MITF: variants seen among roughly 807,000 people sequenced by gnomAD.
MITF encodes melanocyte inducing transcription factor, also known as microphthalmia-associated transcription factor.
Under a neutral mutation model 60.5 loss-of-function variants are expected in MITF, and 17 were observed. The observed-to-expected ratio is 0.28, with a 90% CI of 0.19 to 0.42. MITF has a LOEUF of 0.42. Ranked by LOEUF, MITF falls within the 10% of genes least tolerant of loss-of-function variation. The pLI is 1.00. For missense variants in MITF, 622 were observed against 683.5 expected (o/e 0.91, Z 1.00); for synonymous variants, 260 against 248.5 (o/e 1.05, Z -0.43).
chr3:69,828,407 A>AT, intron 1 of MITF, among the ~76,000 whole-genome samples: 1 of 152,252 alleles, frequency 6.6e-6, no homozygotes, highest in South Asian at 2.1e-4. Flanking sequence ...TATCTAATCA[A>AT]TTTTTTATTT....
intron 1 of MITF, among the ~76,000 whole-genome samples, chr3:69,776,597 C>T (rs556899667): frequency 2.7e-4 from 41 of 152,210 alleles, no homozygotes; most frequent in African/African-American, 8.7e-4. Flanking sequence ...ACGTTTGTTG[C>T]GATGAAGAAG....
chr3:69,777,629 A>T (rs956212125), intron 1 of MITF, among the ~76,000 whole-genome samples: 1 of 152,144 alleles, frequency 6.6e-6, no homozygotes, highest in Non-Finnish European at 1.5e-5. Context: ...CAAGGCCTGG[A>T]TGTCAGATCC....
intron 1 of MITF, among the ~76,000 whole-genome samples, chr3:69,755,457 T>G (rs1363241591): frequency 4.3e-5 from 6 of 139,040 alleles, no homozygotes; most frequent in South Asian, 2.4e-4. Flanking sequence ...TTTTTTTTTT[T>G]TTTTTTTTTT....
intron 1 of MITF, among the ~76,000 whole-genome samples, chr3:69,840,008 G>GAA (rs946243228): frequency 1.3e-4 from 20 of 152,212 alleles, no homozygotes; most frequent in African/African-American, 4.8e-4. Flanking sequence ...GGTAAGGGTA[G>GAA]AAAAGTATCC....
At chr3:69,875,994 C>T (rs921614850) in intron 1 of MITF, among the ~76,000 whole-genome samples, 2 of 152,122 alleles carry the variant, frequency 1.3e-5, no homozygotes, top group African/African-American at 4.8e-5. Flanking sequence ...ATTTATATAA[C>T]TATAAAAATA....
intron 1 of MITF, among the ~76,000 whole-genome samples, chr3:69,759,418 G>A (rs923395038): frequency 1.3e-5 from 2 of 152,204 alleles, no homozygotes; most frequent in African/African-American, 4.8e-5. Context: ...ACAATATGAT[G>A]TGAGAGCTGA....
At chr3:69,775,216 C>G (rs925853441) in intron 1 of MITF, among the ~76,000 whole-genome samples, 13 of 152,164 alleles carry the variant, frequency 8.5e-5, no homozygotes, top group African/African-American at 3.1e-4. Context: ...CTCCAAAGGG[C>G]CAAGGAGCAC....
rs146331079 is a variant in MITF, at chr3:69,787,520, TTC to T, written c.104+47823_104+47824del. ...GGCTAGACTAGACCAAATTGAAGGA[TTC>T]TCTTTCTTTCCACTTTTTGAAAAGT... On this transcript the variant is annotated intron_variant, in intron 1 of 9. Coordinates refer to ENST00000352241, the MANE Select transcript of MITF (RefSeq NM_001354604.2). 6.7e-3 allele frequency among the ~76,000 whole-genome samples: 1,016 copies of T among 152,320 alleles called. 10 individuals are homozygous for T. The highest frequency in any genetic ancestry group is 0.023 in the African/African-American group (965 of 41,572).
rs373769746 is a variant in MITF, at chr3:69,879,400, C to G, written c.354+17C>G. On this transcript the variant is annotated intron_variant, in intron 2 of 9. Coordinates refer to ENST00000352241, the MANE Select transcript of MITF (RefSeq NM_001354604.2). ...GTCCTTAAGGTACGTGAGTGTTGCT[C>G]TTGTTGGTTGGACCAAACTCTCTTC... 7 of 1,614,036 alleles carry G rather than the reference C, an allele frequency of 4.3e-6. No homozygotes were observed. Among genetic ancestry groups the G allele is most frequent in the Non-Finnish European group, 5.9e-6 (7 of 1,180,018 alleles).
At chr3:69,870,314 A>G (rs1039960633) in intron 1 of MITF, among the ~76,000 whole-genome samples, 1 of 148,380 alleles carries the variant, frequency 6.7e-6, no homozygotes, top group Non-Finnish European at 1.5e-5. Flanking sequence ...ACATACATAT[A>G]TACATGTATA....
intron 1 of MITF, chr3:69,866,168 G>A: frequency 1.3e-6 from 2 of 1,540,248 alleles, no homozygotes; most frequent in Non-Finnish European, 1.7e-6. Flanking sequence ...GCACAGAGCT[G>A]TGTTTGGATT....
At chr3:69,760,819 A>G (rs2062200980) in intron 1 of MITF, among the ~76,000 whole-genome samples, 1 of 152,184 alleles carries the variant, frequency 6.6e-6, no homozygotes, top group Admixed American at 6.5e-5. Flanking sequence ...CAGGGCCTAG[A>G]GGATAAAGGT....
At chr3:69,800,073 C>G (rs1007673745) in intron 1 of MITF, among the ~76,000 whole-genome samples, 4 of 152,144 alleles carry the variant, frequency 2.6e-5, no homozygotes, top group African/African-American at 9.7e-5. Flanking sequence ...ATTTCCATCA[C>G]CCCAATAAGA....
rs146088851 is a variant in MITF, at chr3:69,764,562, G to A, written c.104+24861G>A. 2.6e-5 allele frequency among the ~76,000 whole-genome samples: 4 copies of A among 152,222 alleles called. No individual in the cohort carries two copies. In the East Asian group the frequency reaches 7.7e-4, roughly 29 times the overall value. ...TGTTATACTTCAAAAATAATGTAGC[G>A]CTTAGGATGCTTTTCTGATGTGCCC... On this transcript the variant is annotated intron_variant, in intron 1 of 9. Coordinates refer to ENST00000352241, the MANE Select transcript of MITF (RefSeq NM_001354604.2).
In MITF at chr3:69,834,412, A is replaced by G. The variant is rs543701455; in HGVS notation, c.105-44722A>G. Among the ~76,000 whole-genome samples the G allele has an allele frequency of 2.0e-5, 3 of 152,278 alleles. No individual in the cohort carries two copies. In the East Asian group the frequency reaches 5.8e-4, roughly 29 times the overall value. ...ACCCCTTAGATTTCACATTTGAGTG[A>G]CATCATATGATATTTGTCTTTCTGT... On this transcript the variant is annotated intron_variant, in intron 1 of 9. Transcript: ENST00000352241.
chr3:69,745,838 G>A (rs898154799), intron 1 of MITF, among the ~76,000 whole-genome samples: 4 of 152,138 alleles, frequency 2.6e-5, no homozygotes, highest in Non-Finnish European at 5.9e-5. Context: ...GAGATCAATA[G>A]AACCCACCCC....
intron 1 of MITF, among the ~76,000 whole-genome samples, chr3:69,870,924 T>C (rs1300542354): frequency 1.3e-5 from 2 of 152,152 alleles, no homozygotes; most frequent in Non-Finnish European, 2.9e-5. Context: ...TTTTCCCCAG[T>C]ATTACTGATA....
intron 2 of MITF, among the ~76,000 whole-genome samples, chr3:69,893,598 C>A (rs1377895350): frequency 6.6e-6 from 1 of 152,002 alleles, no homozygotes; most frequent in African/African-American, 2.4e-5. Context: ...AGTAATTGAG[C>A]CACATAATGG....
At chr3:69,936,524 GT>G (rs925396544) in intron 2 of MITF, 274 of 1,267,852 alleles carry the variant, frequency 2.2e-4, no homozygotes, top group Middle Eastern at 8.1e-4. Context: ...TTATGTGAAC[GT>G]TTTTTTTTAC....
Sources: gnomAD v4.1 joint callset for allele counts (sites outside exome capture counted in the v4.1 genomes callset) on GRCh38, gnomAD v4.1.1 for gene constraint, MANE v1.5 for transcripts, NCBI Gene and HGNC (gene_info 2026-07-23, HGNC 2026-07-21) for gene names.